Variants in PTPRD observed in about 807,000 individuals in gnomAD.
PTPRD encodes the protein protein tyrosine phosphatase receptor type D.
PTPRD carries 34 observed loss-of-function variants against 214.5 expected under a neutral mutation model. The ratio of observed to expected loss-of-function variants is 0.16; its 90% CI spans 0.12 to 0.21. The LOEUF is 0.21. Ranked by LOEUF, PTPRD falls within the 10% of genes least tolerant of loss-of-function variation. The pLI is 1.00. For missense variants in PTPRD, 2,545 were observed against 2,398.7 expected, an observed-to-expected ratio of 1.06 and a Z score of -1.27; for synonymous variants, 1,128 against 845.7, an observed-to-expected ratio of 1.33 and a Z score of -5.79.
At chr9:9,971,074 A>G (rs2095070083) in intron 4 of PTPRD, among the ~76,000 whole-genome samples, 1 of 152,194 alleles carries the variant, frequency 6.6e-6, no homozygotes, top group African/African-American at 2.4e-5. Context: ...AAAATTTTTA[A>G]TTGGTTCTAT....
intron 30 of PTPRD, among the ~76,000 whole-genome samples, chr9:8,481,000 C>T (rs1295082700): frequency 1.3e-5 from 2 of 151,840 alleles, no homozygotes; most frequent in African/African-American, 2.4e-5. Context: ...ATTAGCCAGG[C>T]GTGGTGGTGG....
chr9:8,329,520 TCCCTTATCAGAGCTCGAA>T (rs1837546702), intron 44 of PTPRD, among the ~76,000 whole-genome samples: 2 of 152,092 alleles, frequency 1.3e-5, no homozygotes, highest in Admixed American at 6.6e-5. Context: ...AGAGAGTCTG[TCCCTTATCAGAGCTCGAA>T]CACTGCACTG....
chr9:8,665,421 G>T (rs145677982), intron 12 of PTPRD, among the ~76,000 whole-genome samples: 2 of 152,140 alleles, frequency 1.3e-5, no homozygotes, highest in Non-Finnish European at 2.9e-5. Flanking sequence ...ACAGAGAAAA[G>T]AATTAAAAGG....
intron 14 of PTPRD, among the ~76,000 whole-genome samples, chr9:8,615,442 C>G (rs930323286): frequency 2.0e-5 from 3 of 152,080 alleles, no homozygotes; most frequent in African/African-American, 7.2e-5. Flanking sequence ...TAAATTAGGT[C>G]TATTTTAATT....
chr9:9,611,923 A>G (rs139599593), intron 7 of PTPRD, among the ~76,000 whole-genome samples: 39 of 152,252 alleles, frequency 2.6e-4, no homozygotes, highest in Admixed American at 2.2e-3. Context: ...AATTTCATAT[A>G]CATAAGACTT....
chr9:9,084,584 C>T (rs947878962), intron 10 of PTPRD, among the ~76,000 whole-genome samples: 2 of 151,970 alleles, frequency 1.3e-5, no homozygotes, highest in Non-Finnish European at 2.9e-5. Flanking sequence ...ACACACATTT[C>T]TGGGAGCCAA....
rs530995890 is a variant in PTPRD at position 9,972,137 on chromosome 9, G to A, written c.-471-33527C>T. ...CTATTTATCTGGTTACGTAGAAATT[G>A]ACAGTCAGAAACATGACTTTGAATT... is the stretch of plus-strand genomic sequence containing the variant. On this transcript the variant is annotated intron_variant, in intron 4 of 45. Transcript: ENST00000381196. Among the ~76,000 whole-genome samples, 10 of 152,206 alleles carry A rather than the reference G, an allele frequency of 6.6e-5. No homozygotes were observed. The East Asian group carries it at 1.9e-3, about 29-fold the overall frequency.
At chr9:9,156,786 G>A (rs1006000129) in intron 10 of PTPRD, among the ~76,000 whole-genome samples, 2 of 152,142 alleles carry the variant, frequency 1.3e-5, no homozygotes, top group Admixed American at 6.5e-5. Flanking sequence ...GATCAGGGAA[G>A]AAACCACAGG....
chr9:9,853,991 TC>T (rs755673961), intron 5 of PTPRD, among the ~76,000 whole-genome samples: 2 of 152,222 alleles, frequency 1.3e-5, no homozygotes, highest in Non-Finnish European at 2.9e-5. Flanking sequence ...ATTTATCATT[TC>T]TTTGTGATGA....
At chr9:9,863,014 G>GA (rs1051612974) in intron 5 of PTPRD, among the ~76,000 whole-genome samples, 3 of 151,958 alleles carry the variant, frequency 2.0e-5, no homozygotes, top group Non-Finnish European at 4.4e-5. Flanking sequence ...ATGACAATAG[G>GA]AAAAAAAGCA....
intron 3 of PTPRD, among the ~76,000 whole-genome samples, chr9:10,144,384 G>A (rs1052763811): frequency 1.1e-4 from 17 of 151,992 alleles, no homozygotes; most frequent in African/African-American, 3.1e-4. Flanking sequence ...ACACTCAGGC[G>A]GACTTAGGAG....
At chr9:8,338,407 G>T (rs1057447061) in intron 43 of PTPRD, among the ~76,000 whole-genome samples, 21 of 152,064 alleles carry the variant, frequency 1.4e-4, no homozygotes, top group Admixed American at 6.6e-5. Flanking sequence ...GCACACTGAG[G>T]AATAAGCCAT....
chr9:9,097,887 T>A (rs1198372607), intron 10 of PTPRD, among the ~76,000 whole-genome samples: 1 of 152,128 alleles, frequency 6.6e-6, no homozygotes, highest in Non-Finnish European at 1.5e-5. Flanking sequence ...TGGGTTTGTG[T>A]ACTATCCAAT....
chr9:10,248,567 G>A (rs1410314780), intron 3 of PTPRD, among the ~76,000 whole-genome samples: 2 of 145,948 alleles, frequency 1.4e-5, no homozygotes, highest in East Asian at 4.0e-4. Flanking sequence ...TAGATTATCT[G>A]ACCAAATTAA....
chr9:10,136,221 T>G (rs1018765804), intron 3 of PTPRD, among the ~76,000 whole-genome samples: 1 of 152,046 alleles, frequency 6.6e-6, no homozygotes, highest in African/African-American at 2.4e-5. Flanking sequence ...ACATTGGCAC[T>G]CAGATTCATA....
chr9:8,812,515 T>C (rs866414179), intron 11 of PTPRD, among the ~76,000 whole-genome samples: 16 of 152,202 alleles, frequency 1.1e-4, no homozygotes, highest in African/African-American at 3.9e-4. Context: ...ATGATAAAGT[T>C]ATTTAATATA....
chr9:8,737,291 G>A (rs1193388037), intron 11 of PTPRD, among the ~76,000 whole-genome samples: 1 of 152,162 alleles, frequency 6.6e-6, no homozygotes, highest in Non-Finnish European at 1.5e-5. Flanking sequence ...GTGTGAAGAT[G>A]AAACGTATTC....
intron 8 of PTPRD, among the ~76,000 whole-genome samples, chr9:9,531,353 C>T (rs887751855): frequency 6.6e-6 from 1 of 152,044 alleles, no homozygotes; most frequent in African/African-American, 2.4e-5. Context: ...GAATATGTGG[C>T]ATATAATAAG....
chr9:10,397,722 G>C (rs1417319542), intron 2 of PTPRD, among the ~76,000 whole-genome samples: 1 of 151,974 alleles, frequency 6.6e-6, no homozygotes, highest in Non-Finnish European at 1.5e-5. Flanking sequence ...TGGCCTAGGA[G>C]CAATAGGCTT....
Sources: allele counts gnomAD v4.1 joint callset (sites outside exome capture counted in the v4.1 genomes callset), GRCh38; gene constraint gnomAD v4.1.1; transcripts MANE v1.5; gene names NCBI Gene and HGNC (gene_info 2026-07-23, HGNC 2026-07-21).